RNF34: variants seen among roughly 807,000 people sequenced by gnomAD.
The protein encoded by RNF34 is ring finger protein 34.
RNF34 carries 12 observed loss-of-function variants against 37.9 expected under a neutral mutation model. The observed-to-expected ratio is 0.32, with a 90% confidence interval of 0.20 to 0.51. The LOEUF (loss-of-function observed/expected upper bound fraction) is 0.51. Ranked by LOEUF, RNF34 falls within the 20% of genes least tolerant of loss-of-function variation. The pLI, the probability that RNF34 is intolerant of heterozygous loss-of-function variation, is 0.97. For missense variants in RNF34, 362 were observed against 472.7 expected (o/e 0.77, Z 2.17); for synonymous variants, 155 against 177.2 (o/e 0.87, Z 1.00).
chr12:121,416,159 G>C lies in RNF34; in HGVS notation c.7G>C (p.Ala3Pro). The C allele has an allele frequency of 6.2e-7, 1 of 1,613,322 alleles. No individual in the cohort carries two copies. MK[A>P]GATSMWASCC... ...CTGTGGGATTTGTGTTCCTTTTTAG[G>C]CGGGTGCCACGTCTATGTGGGCTTC... The change falls in exon 2 of 6, where the codon GCG becomes CCG. Residue 3 changes from alanine to proline, a missense_variant and splice_region_variant. By Grantham distance (27) the Ala-to-Pro change is conservative. Transcript: ENST00000361234.
In RNF34 at chr12:121,423,987, G is replaced by A. The variant is rs1253331815; in HGVS notation, c.*411G>A. 6.2e-6 allele frequency: 1 copy of A among 160,008 alleles called. No individual in the cohort carries two copies. Among genetic ancestry groups the A allele is most frequent in the Non-Finnish European group, 1.4e-5 (1 of 73,168 alleles). The allele number at this position is 160,008 out of a possible 1,614,324, so 9.9% of individuals were successfully genotyped here. A position where few individuals can be genotyped will look rare whatever the true frequency, so the allele number is the denominator to read the frequency against. On this transcript the variant is annotated 3_prime_UTR_variant, in exon 6 of 6. Coordinates refer to ENST00000361234, the MANE Select transcript of RNF34 (RefSeq NM_025126.4). This position sits in a 1 kb window ranked among gnomAD's most constrained non-coding sequence, Gnocchi z 4.3. ...ATGAGATCAGTGTCCACAAGTGGCC[G>A]ACATGGAACATGCTGAGCAGTGGCT... is the stretch of plus-strand genomic sequence containing the variant.
chr12:121,417,812 G>GT lies in RNF34; in HGVS notation c.541dup (p.Ser181PhefsTer35), dbSNP rs782101945. The GT allele has an allele frequency of 3.7e-6, 6 of 1,614,066 alleles. No individual in the cohort carries two copies. Among genetic ancestry groups the GT allele is most frequent in the Admixed American group, 3.3e-5 (2 of 59,996 alleles). On this transcript the variant is annotated frameshift_variant, in exon 3 of 6. Coordinates refer to ENST00000361234, the MANE Select transcript of RNF34 (RefSeq NM_025126.4). LOFTEE classifies it high-confidence loss of function. The surrounding 1 kb of genome is among the most constrained non-coding windows in gnomAD (Gnocchi z 5.0). ...AGACTTCTAGCTTTTTTACACGTTC[G>GT]TTTTTTTCAAACTATACAGCCCCCT...
rs1353963687 is a variant in RNF34 at position 121,417,304 on chromosome 12, T to TC, written c.226-199dup. ...TTTCTTAAAGTCCTATATTAGAACTTCTGTGAATCCAGACTGCCTTGGCAA... is the reference window on the plus strand; with the variant it reads ...TTTCTTAAAGTCCTATATTAGAACTTCCTGTGAATCCAGACTGCCTTGGCAA... On this transcript the variant is annotated intron_variant, in intron 2 of 5. Transcript: ENST00000361234. This position sits in a 1 kb window ranked among gnomAD's most constrained non-coding sequence, Gnocchi z 5.0. Among the ~76,000 whole-genome samples the TC allele has an allele frequency of 6.6e-6, 1 of 152,246 alleles. No individual in the cohort carries two copies. Among genetic ancestry groups the TC allele is most frequent in the African/African-American group, 2.4e-5 (1 of 41,460 alleles).
At position 121,412,228 on chromosome 12, in the gene RNF34, ATC is replaced by A. The variant is rs1323977849; in HGVS notation, c.7-3929_7-3928del. 3.5e-3 allele frequency among the ~76,000 whole-genome samples: 433 copies of A among 124,926 alleles called. 13 individuals carry two copies. The highest frequency in any genetic ancestry group is 0.014 in the African/African-American group (406 of 29,736). The allele number at this position is 124,926 out of a possible 152,430, so 82.0% of individuals were successfully genotyped here. A position where few individuals can be genotyped will look rare whatever the true frequency, so the allele number is the denominator to read the frequency against. On this transcript the variant is annotated intron_variant, in intron 1 of 5. Coordinates refer to ENST00000361234, the MANE Select transcript of RNF34 (RefSeq NM_025126.4). ...AGGCACGTGCCACCATGCCCAACTA[ATC>A]TTTTTTTTTTTTTTTTTTTTTTTTT...
chr12:121,411,856 A>G (rs1213532945), intron 1 of RNF34, among the ~76,000 whole-genome samples: 1 of 152,214 alleles, frequency 6.6e-6, no homozygotes, highest in African/African-American at 2.4e-5. Flanking sequence ...CATTAGTAGG[A>G]AGCTAAACTT....
chr12:121,402,435 C>CTTTTT lies in RNF34; in HGVS notation c.6+2217_6+2218insTTTTT, dbSNP rs1412954063. Among the ~76,000 whole-genome samples, 10 of 152,096 alleles carry CTTTTT rather than the reference C, an allele frequency of 6.6e-5. No homozygotes were observed. The South Asian group carries it at 8.3e-4, about 13-fold the overall frequency. ...ATGGGTATTTACTTTCTCCCTTTGG[C>CTTTTT]GTTTTGGTTTGGTTTGGTTTGGTTT... On this transcript the variant is annotated intron_variant, in intron 1 of 5. Coordinates refer to ENST00000361234, the MANE Select transcript of RNF34 (RefSeq NM_025126.4).
chr12:121,400,198 G>A lies in RNF34; in HGVS notation c.-15G>A, dbSNP rs1869837445. On this transcript the variant is annotated 5_prime_UTR_variant, in exon 1 of 6. Coordinates refer to ENST00000361234, the MANE Select transcript of RNF34 (RefSeq NM_025126.4). Reference sequence around the variant, plus strand: ...GTTTCCTGGTAGAGCCGGCCGAGCTGAGGCGGTCGCGGCCATGAAGGTGAG... The same window carrying A: ...GTTTCCTGGTAGAGCCGGCCGAGCTAAGGCGGTCGCGGCCATGAAGGTGAG... 2 of 1,608,770 alleles carry A rather than the reference G, an allele frequency of 1.2e-6. No individual in the cohort carries two copies. Among genetic ancestry groups the A allele is most frequent in the African/African-American group, 2.7e-5 (2 of 74,866 alleles).
At chr12:121,416,051 C>CA (rs1871543115) in intron 1 of RNF34, 108 bp from the exon 2 acceptor site, 1 of 838,422 alleles carries the variant, frequency 1.2e-6, no homozygotes, top group African/African-American at 1.7e-5. Flanking sequence ...ATAGTAATCT[C>CA]AAAGTTATTG....
At chr12:121,401,896 G>A (rs1353693652) in intron 1 of RNF34, among the ~76,000 whole-genome samples, 1 of 152,212 alleles carries the variant, frequency 6.6e-6, no homozygotes, top group Non-Finnish European at 1.5e-5. Flanking sequence ...ATCAGCCTGT[G>A]CCAGATGACA....
At position 121,420,232 on chromosome 12, in the gene RNF34, A is replaced by G. The variant is rs1437682527; in HGVS notation, c.634-10A>G. On this transcript the variant is annotated splice_polypyrimidine_tract_variant and intron_variant, in intron 3 of 5. Transcript: ENST00000361234. ...TTCCTGACCTAATCAGATACGTTGT[A>G]TAAGTGTAGGTACAAAGTGAAATCA... is the stretch of plus-strand genomic sequence containing the variant. The G allele has an allele frequency of 8.7e-6, 14 of 1,609,396 alleles. No individual in the cohort carries two copies. The highest frequency in any genetic ancestry group is 5.3e-5 in the African/African-American group (4 of 74,786).
chr12:121,403,966 A>G (rs1870252796), intron 1 of RNF34, among the ~76,000 whole-genome samples: 2 of 151,716 alleles, frequency 1.3e-5, no homozygotes, highest in Non-Finnish European at 2.9e-5. Flanking sequence ...TTACCTTGCT[A>G]TTTACCTAGT....
intron 3 of RNF34, chr12:121,420,027 C>T (rs1871974385): frequency 2.1e-6 from 1 of 469,566 alleles, no homozygotes; most frequent in African/African-American, 2.0e-5. Context: ...TACACACACA[C>T]AGGAATTTGT....
At chr12:121,416,435 G>A in intron 2 of RNF34, 58 bp downstream of exon 2, 1 of 1,183,574 alleles carries the variant, frequency 8.4e-7, no homozygotes, top group Non-Finnish European at 1.3e-6. Flanking sequence ...TTGATTGTAG[G>A]TTATTTTGAA....
At chr12:121,409,248 G>A (rs1202424758) in intron 1 of RNF34, among the ~76,000 whole-genome samples, 2 of 152,180 alleles carry the variant, frequency 1.3e-5, no homozygotes, top group African/African-American at 4.8e-5. Flanking sequence ...CCAAACTGCT[G>A]GGATTATAGG....
rs1872298460 is a variant in RNF34, at chr12:121,423,001, T to A, written c.929-385T>A. Among the ~76,000 whole-genome samples, 1 of 152,196 alleles carries A rather than the reference T, an allele frequency of 6.6e-6. No homozygotes were observed. Among genetic ancestry groups the A allele is most frequent in the Non-Finnish European group, 1.5e-5 (1 of 68,030 alleles). On this transcript the variant is annotated intron_variant, in intron 5 of 5. Transcript: ENST00000361234. The surrounding 1 kb of genome is among the most constrained non-coding windows in gnomAD (Gnocchi z 4.3). ...GGCTACAAAGCTGGGGCAACTGAGT[T>A]AAATTCCAATAGCATCCTGACTCCA...
At chr12:121,402,547 T>C (rs1555280139) in intron 1 of RNF34, among the ~76,000 whole-genome samples, 2 of 142,248 alleles carry the variant, frequency 1.4e-5, no homozygotes, top group African/African-American at 3.0e-5. Context: ...ATCAACTTCC[T>C]ATAAGGGATT....
chr12:121,420,496 T>C, intron 4 of RNF34, 81 bp from the exon 5 acceptor site: 1 of 1,573,718 alleles, frequency 6.4e-7, no homozygotes, highest in Admixed American at 1.7e-5. Flanking sequence ...GCTGGGAGAA[T>C]ATTCAGGGCC....
In RNF34 at chr12:121,420,308, G is replaced by A. The variant is rs1555283069; in HGVS notation, c.700G>A (p.Asp234Asn). The A allele has an allele frequency of 1.8e-5, 28 of 1,581,132 alleles. No homozygotes were observed. The highest frequency in any genetic ancestry group is 2.4e-5 in the Non-Finnish European group (28 of 1,162,340). Residue 234 changes from aspartate (D) to asparagine (N), a missense_variant, in exon 4 of 6, where the codon GAT (aspartate) becomes AAT (asparagine). By Grantham distance (23) the Asp-to-Asn change is conservative (BLOSUM62 1). Transcript: ENST00000361234. ...TGACGACGATGATGAGGATGATGAT[G>A]ATGAAGAAGAAAACGCAGAGGATCG... The part of the protein sequence containing the change: ...DDDDDDEDDD[D>N]EEENAEDRNP...
At chr12:121,407,783 G>A (rs1870686848) in intron 1 of RNF34, among the ~76,000 whole-genome samples, 1 of 152,156 alleles carries the variant, frequency 6.6e-6, no homozygotes, top group Admixed American at 6.5e-5. Flanking sequence ...TTTAAAAGGA[G>A]GGTGCAGAAG....
Sources: gnomAD v4.1 joint callset for allele counts (sites outside exome capture counted in the v4.1 genomes callset) on GRCh38, gnomAD v4.1.1 for gene constraint, Gnocchi (gnomAD v3.1) non-coding constraint, MANE v1.5 for transcripts, NCBI Gene and HGNC (gene_info 2026-07-23, HGNC 2026-07-21) for gene names.